Variants in LVRN observed in about 807,000 individuals in gnomAD.
LVRN encodes the protein aminopeptidase Q.
LVRN carries 99 observed loss-of-function variants against 111.4 expected under a neutral mutation model. The ratio of observed to expected loss-of-function variants is 0.89; its 90% confidence interval spans 0.76 to 1.05. The LOEUF (loss-of-function observed/expected upper bound fraction) is 1.05. Among genes scored for constraint, LVRN ranks in the 50% least tolerant of loss-of-function variants. LVRN has a pLI of 0.00. For missense variants in LVRN, 1,414 were observed against 1,206.8 expected (o/e 1.17, Z -2.54); for synonymous variants, 488 against 449.5 (o/e 1.09, Z -1.08).
At chr5:116,023,918 A>G (rs1358009388) in intron 19 of LVRN, among the ~76,000 whole-genome samples, 2 of 152,238 alleles carry the variant, frequency 1.3e-5, no homozygotes, top group East Asian at 1.9e-4. Context: ...AGGTAAAAGA[A>G]TAAGGAAAAG....
At chr5:115,963,934 C>T (rs1179728683) in intron 1 of LVRN, among the ~76,000 whole-genome samples, 1 of 152,196 alleles carries the variant, frequency 6.6e-6, no homozygotes. Flanking sequence ...AATTTCTTCA[C>T]CCCATTCAAC....
Position 116,010,714 on chromosome 5 carries a change from G to T in LVRN, c.2094-27G>T, listed in dbSNP as rs201747040. On this transcript the variant is annotated intron_variant, in intron 13 of 19. Coordinates refer to ENST00000357872, the MANE Select transcript of LVRN (RefSeq NM_173800.5). ...ATTACTTAGCAAGTGAAGGTTTTTT[G>T]AGTGTGTGTGTTTTTAAATCAAACA... is the stretch of plus-strand genomic sequence containing the variant. The T allele has an allele frequency of 1.0e-3, 1,636 of 1,570,056 alleles. 2 individuals carry two copies. The highest frequency in any genetic ancestry group is 1.3e-3 in the Non-Finnish European group (1,500 of 1,158,096).
At chr5:116,013,268 TAGA>T (rs1748528412) in intron 15 of LVRN, among the ~76,000 whole-genome samples, 1 of 152,182 alleles carries the variant, frequency 6.6e-6, no homozygotes, top group African/African-American at 2.4e-5. Context: ...GGGATGTGAT[TAGA>T]AGGACATAAA....
intron 19 of LVRN, among the ~76,000 whole-genome samples, chr5:116,024,358 G>C (rs1227116425): frequency 6.6e-6 from 1 of 151,956 alleles, no homozygotes; most frequent in African/African-American, 2.4e-5. Flanking sequence ...ACATATGTGG[G>C]TCATAAAGGC....
chr5:115,963,650 T>C (rs1358672733), intron 1 of LVRN, among the ~76,000 whole-genome samples: 1 of 152,138 alleles, frequency 6.6e-6, no homozygotes, highest in Admixed American at 6.5e-5. Flanking sequence ...TAGGTAGGAA[T>C]TGAACAATGA....
Position 115,962,972 on chromosome 5 carries a change from G to T in LVRN, c.355G>T (p.Glu119Ter). The T allele has an allele frequency of 1.9e-6, 3 of 1,613,338 alleles. No homozygotes were observed. Among genetic ancestry groups the T allele is most frequent in the Non-Finnish European group, 2.5e-6 (3 of 1,179,884 alleles). The change falls in exon 1 of 20, where the codon GAG becomes TAG. Residue 119 changes from glutamate (E) to a stop codon, truncating the protein, a stop_gained. Transcript: ENST00000357872. LOFTEE classifies it high-confidence loss of function. ...GCTGTGGCCGCAGCTGAGGCCCGAC[G>T]AGCTTCCGGCCGGGTCTTTGCCCTT... ...LELWPQLRPDELPAGSLPFTG... is the reference protein window; with the variant it reads ...LELWPQLRPD
chr5:115,965,003 G>A (rs58134319), intron 1 of LVRN, among the ~76,000 whole-genome samples: 2 of 152,166 alleles, frequency 1.3e-5, no homozygotes, highest in Middle Eastern at 3.4e-3. Context: ...AGCCCAGCAG[G>A]CCTGAGTTTG....
In LVRN at chr5:116,010,910, C is replaced by T; in HGVS notation, c.2247+16C>T. The stretch of plus-strand genomic sequence containing the variant: ...ATTATTAAAGGTAATTTCATTCTTT[C>T]TTATGTAGTTTTTAAATAAATCCTC... On this transcript the variant is annotated intron_variant, in intron 14 of 19. Coordinates refer to ENST00000357872, the MANE Select transcript of LVRN (RefSeq NM_173800.5). 2.0e-6 allele frequency: 3 copies of T among 1,517,846 alleles called. No individual in the cohort carries two copies. Among genetic ancestry groups the T allele is most frequent in the Non-Finnish European group, 2.6e-6 (3 of 1,133,710 alleles). The allele number at this position is 1,517,846 out of a possible 1,614,324, so 94.0% of individuals were successfully genotyped here.
At chr5:115,997,866 G>A (rs560225995) in intron 6 of LVRN, among the ~76,000 whole-genome samples, 1 of 152,090 alleles carries the variant, frequency 6.6e-6, no homozygotes, top group Non-Finnish European at 1.5e-5. Context: ...CTTTATGGGA[G>A]GCCCAGAATA....
intron 1 of LVRN, among the ~76,000 whole-genome samples, chr5:115,971,623 CAT>C (rs1184272379): frequency 1.3e-5 from 2 of 151,978 alleles, no homozygotes; most frequent in African/African-American, 2.4e-5. Flanking sequence ...ATCAGTTTTT[CAT>C]ATATATATGT....
At chr5:116,004,627 C>A (rs183834881) in intron 12 of LVRN, among the ~76,000 whole-genome samples, 1,942 of 152,148 alleles carry the variant, frequency 0.013, 11 homozygotes, top group Middle Eastern at 0.021. Context: ...GGAAAAAAAA[C>A]CCCCAAAAAA....
intron 1 of LVRN, 87 bp from the exon 2 acceptor site, chr5:115,983,200 A>G: frequency 7.1e-7 from 1 of 1,400,222 alleles, no homozygotes; most frequent in Non-Finnish European, 9.5e-7. Flanking sequence ...ACACCAGGCT[A>G]ACTTACAAGC....
intron 6 of LVRN, among the ~76,000 whole-genome samples, chr5:115,998,307 A>G (rs1279107910): frequency 6.6e-6 from 1 of 152,186 alleles, no homozygotes. Context: ...ATTTTCTTTC[A>G]ATTTATGTTT....
At chr5:116,006,619 G>A (rs1265910241) in intron 13 of LVRN, among the ~76,000 whole-genome samples, 1 of 152,112 alleles carries the variant, frequency 6.6e-6, no homozygotes, top group Non-Finnish European at 1.5e-5. Flanking sequence ...TCATGTATCT[G>A]ACTCCTCTTC....
At chr5:115,992,010 T>A in intron 4 of LVRN, 113 bp from the exon 5 acceptor site, 1 of 1,019,548 alleles carries the variant, frequency 9.8e-7, no homozygotes, top group Non-Finnish European at 1.4e-6. Flanking sequence ...GTTCAGGTTA[T>A]AAATATTCCC....
At chr5:115,980,081 C>A (rs1238368181) in intron 1 of LVRN, among the ~76,000 whole-genome samples, 2 of 152,064 alleles carry the variant, frequency 1.3e-5, no homozygotes, top group African/African-American at 4.8e-5. Context: ...GCAATACTGA[C>A]CCACAAGGAG....
At chr5:116,009,533 T>A (rs1748444362) in intron 13 of LVRN, among the ~76,000 whole-genome samples, 1 of 152,190 alleles carries the variant, frequency 6.6e-6, no homozygotes, top group Non-Finnish European at 1.5e-5. Flanking sequence ...TAGGGATTCA[T>A]CATTCCAAAT....
intron 4 of LVRN, among the ~76,000 whole-genome samples, chr5:115,990,108 A>C (rs902714095): frequency 1.3e-5 from 2 of 152,214 alleles, no homozygotes; most frequent in Non-Finnish European, 2.9e-5. Flanking sequence ...AACTGTGTTC[A>C]TGTACCCCTT....
rs527827273 is a variant in LVRN, at chr5:115,967,589, G to A, written c.695+4277G>A. Among the ~76,000 whole-genome samples the A allele has an allele frequency of 2.0e-5, 3 of 151,822 alleles. No individual in the cohort carries two copies. The South Asian group carries it at 6.2e-4, about 31-fold the overall frequency. ...TTGTTTTAACTATTTTAGTTCCTTTGCCTTTCTTTATATATTTTATGATAT... is the reference window on the plus strand; with the variant it reads ...TTGTTTTAACTATTTTAGTTCCTTTACCTTTCTTTATATATTTTATGATAT... On this transcript the variant is annotated intron_variant, in intron 1 of 19. Coordinates refer to ENST00000357872, the MANE Select transcript of LVRN (RefSeq NM_173800.5).
Sources: gnomAD v4.1 joint callset for allele counts (sites outside exome capture counted in the v4.1 genomes callset) on GRCh38, gnomAD v4.1.1 for gene constraint, MANE v1.5 for transcripts, NCBI Gene and HGNC (gene_info 2026-07-23, HGNC 2026-07-21) for gene names.